The following KAT2B variants were observed in gnomAD, a reference collection of about 807,000 sequenced individuals.
KAT2B encodes lysine acetyltransferase 2B.
A neutral mutation model predicts 105.9 loss-of-function variants in KAT2B; 36 were observed. The ratio of observed to expected loss-of-function variants is 0.34; its 90% CI spans 0.26 to 0.45. The LOEUF is 0.45. Among genes scored for constraint, KAT2B ranks in the 20% least tolerant of loss-of-function variants. The probability of loss-of-function intolerance (pLI) is 1.00; values close to 1 mark genes in which losing one functional copy is unlikely to be tolerated. For missense variants in KAT2B, 820 were observed against 1,021.6 expected (o/e 0.80, Z 2.69); for synonymous variants, 397 against 377.9 (o/e 1.05, Z -0.59).
At chr3:20,131,892 C>G (rs1169967449) in intron 11 of KAT2B, among the ~76,000 whole-genome samples, 1 of 152,098 alleles carries the variant, frequency 6.6e-6, no homozygotes, top group Admixed American at 6.6e-5. Flanking sequence ...TATTTATTTA[C>G]TATATTAAAA....
chr3:20,149,495 C>CAAAAAAAAAAAAAAAAAAAAAAAAAAAAA lies in KAT2B; in HGVS notation c.2305+1033_2305+1034insAAAAAAAAAAAAAAAAAAAAAAAAAAAAA, dbSNP rs56091316. On this transcript the variant is annotated intron_variant, in intron 17 of 17. Transcript: ENST00000263754. ...TGGGCACTGGAGGGAGACCGTATCTCAAAAAAAAAAAAAAAAAAAAAAAAA... is the reference window on the plus strand; with the variant it reads ...TGGGCACTGGAGGGAGACCGTATCTCAAAAAAAAAAAAAAAAAAAAAAAAAAAAAAAAAAAAAAAAAAAAAAAAAAAAAA... Among the ~76,000 whole-genome samples the CAAAAAAAAAAAAAAAAAAAAAAAAAAAAA allele has an allele frequency of 3.3e-3, 140 of 42,422 alleles. 5 individuals carry two copies. Among genetic ancestry groups the CAAAAAAAAAAAAAAAAAAAAAAAAAAAAA allele is most frequent in the South Asian group, 6.2e-3 (4 of 642 alleles). 27.8% of individuals were successfully genotyped at this position (42,422 alleles called of 152,430 possible).
At position 20,152,550 on chromosome 3, in the gene KAT2B, A is replaced by G. The variant is rs758351272; in HGVS notation, c.*25A>G. The G allele has an allele frequency of 1.3e-6, 2 of 1,587,868 alleles. No individual in the cohort carries two copies. The highest frequency in any genetic ancestry group is 2.2e-5 in the South Asian group (2 of 90,304). On this transcript the variant is annotated 3_prime_UTR_variant, in exon 18 of 18. Transcript: ENST00000263754. ...ATTTTTTTTCCCCTCTGCTTCTTAG[A>G]AACTCACCAAGCAGTGTGCCTAAAG... is the stretch of plus-strand genomic sequence containing the variant.
chr3:20,085,930 AG>A (rs1164942383), intron 2 of KAT2B, among the ~76,000 whole-genome samples: 1 of 152,198 alleles, frequency 6.6e-6, no homozygotes, highest in East Asian at 1.9e-4. Context: ...ATACTGCTGA[AG>A]TCAGACAGAT....
At chr3:20,076,485 A>G (rs2125183911) in intron 2 of KAT2B, among the ~76,000 whole-genome samples, 1 of 152,012 alleles carries the variant, frequency 6.6e-6, no homozygotes, top group South Asian at 2.1e-4. Flanking sequence ...GCTCTAGAAA[A>G]CCTTTTTCTG....
At chr3:20,062,247 T>C (rs1407173702) in intron 1 of KAT2B, among the ~76,000 whole-genome samples, 2 of 29,370 alleles carry the variant, frequency 6.8e-5, no homozygotes, top group African/African-American at 3.6e-4. Flanking sequence ...AAATATATAA[T>C]ATATAAAATA....
At chr3:20,086,794 ATT>A (rs11308672) in intron 2 of KAT2B, among the ~76,000 whole-genome samples, 1,988 of 129,884 alleles carry the variant, frequency 0.015, 38 homozygotes, top group African/African-American at 0.048. Context: ...AAACAAATAG[ATT>A]TTTTTTTTTT....
intron 2 of KAT2B, among the ~76,000 whole-genome samples, chr3:20,077,803 A>G (rs4308300): frequency 0.19 from 28,207 of 152,124 alleles, 2,833 homozygotes; most frequent in East Asian, 0.31. Context: ...GGATCTAACA[A>G]AGTGCTTTAG....
intron 5 of KAT2B, among the ~76,000 whole-genome samples, chr3:20,102,897 A>G (rs1698934212): frequency 6.6e-6 from 1 of 152,210 alleles, no homozygotes; most frequent in South Asian, 2.1e-4. Context: ...ACTTGTGCCC[A>G]GGTTATTTTC....
At chr3:20,055,667 G>T (rs531536745) in intron 1 of KAT2B, among the ~76,000 whole-genome samples, 1 of 152,206 alleles carries the variant, frequency 6.6e-6, no homozygotes, top group African/African-American at 2.4e-5. Context: ...AGATTAGGTG[G>T]AAGGGATAAA....
At chr3:20,148,699 C>A in intron 17 of KAT2B, 1 of 465,266 alleles carries the variant, frequency 2.1e-6, no homozygotes, top group Middle Eastern at 5.6e-4. Context: ...GTTTAGAGCC[C>A]ACATGAGCTT....
In KAT2B at chr3:20,099,973, C is replaced by T. The variant is rs1698880868; in HGVS notation, c.669+19C>T. On this transcript the variant is annotated intron_variant, in intron 4 of 17. Transcript: ENST00000263754. ...TGAACAGGTAAAAAGATTTTAAAAG[C>T]CCTCTTTTTATTGGCTCAAGGCTGA... The T allele has an allele frequency of 4.5e-6, 6 of 1,337,804 alleles. No individual in the cohort carries two copies. The highest frequency in any genetic ancestry group is 6.4e-6 in the Non-Finnish European group (6 of 935,420). The allele number at this position is 1,337,804 out of a possible 1,614,324, so 82.9% of individuals were successfully genotyped here. A position where few individuals can be genotyped will look rare whatever the true frequency, so the allele number is the denominator to read the frequency against.
chr3:20,080,848 G>A (rs1337812708), intron 2 of KAT2B, among the ~76,000 whole-genome samples: 1 of 152,112 alleles, frequency 6.6e-6, no homozygotes, highest in Non-Finnish European at 1.5e-5. Context: ...ATAATACTTT[G>A]GTATATATTA....
chr3:20,050,759 A>T (rs902171526), intron 1 of KAT2B, among the ~76,000 whole-genome samples: 16 of 149,618 alleles, frequency 1.1e-4, no homozygotes, highest in African/African-American at 3.7e-4. Flanking sequence ...ACTGGAGTGC[A>T]GTGGCATGAT....
At chr3:20,050,029 G>A (rs966458906) in intron 1 of KAT2B, among the ~76,000 whole-genome samples, 2 of 151,986 alleles carry the variant, frequency 1.3e-5, no homozygotes, top group African/African-American at 4.8e-5. Context: ...GTGAGACCCG[G>A]TCTCTACTAA....
intron 2 of KAT2B, among the ~76,000 whole-genome samples, chr3:20,075,466 G>T (rs1228408310): frequency 2.0e-5 from 3 of 151,932 alleles, no homozygotes; most frequent in South Asian, 4.2e-4. Flanking sequence ...ACATCCCACA[G>T]GTTAAGGGCA....
At chr3:20,113,310 T>C (rs1699153056) in intron 6 of KAT2B, among the ~76,000 whole-genome samples, 1 of 152,264 alleles carries the variant, frequency 6.6e-6, no homozygotes, top group Non-Finnish European at 1.5e-5. Flanking sequence ...GTAATAGTTG[T>C]CATTCTGTCT....
chr3:20,097,659 C>T (rs2125196443), intron 3 of KAT2B, among the ~76,000 whole-genome samples: 1 of 152,210 alleles, frequency 6.6e-6, no homozygotes, highest in South Asian at 2.1e-4. Context: ...GCCTCAGCCT[C>T]CTGAGTAGCT....
chr3:20,152,595 A>G lies in KAT2B; in HGVS notation c.*70A>G. On this transcript the variant is annotated 3_prime_UTR_variant, in exon 18 of 18. Coordinates refer to ENST00000263754, the MANE Select transcript of KAT2B (RefSeq NM_003884.5). ...CTAAAGCAAGGTGGTTTAGTTTTTT[A>G]CAAAGAATTGGACATGATGTATTGA... is the stretch of plus-strand genomic sequence containing the variant. 1 of 1,277,960 alleles carries G rather than the reference A, an allele frequency of 7.8e-7. No individual in the cohort carries two copies. Among genetic ancestry groups the G allele is most frequent in the Non-Finnish European group, 1.1e-6 (1 of 904,106 alleles). The allele number at this position is 1,277,960 out of a possible 1,614,324, so 79.2% of individuals were successfully genotyped here.
rs150351875 is a variant in KAT2B at position 20,146,393 on chromosome 3, A to C, written c.2082A>C (p.Gly694=). The C allele has an allele frequency of 3.0e-5, 48 of 1,613,006 alleles. No individual in the cohort carries two copies. The African/African-American group carries it at 5.7e-4, about 19-fold the overall frequency. ...VYPGLSCFKD[G]VRQIPIESIP... is the part of the protein sequence containing the mutation. Reference sequence around the variant, plus strand: ...CTGGACTTTCATGTTTTAAAGATGGAGTTCGACAGATTCCTATAGAAAGCA... The same window carrying C: ...CTGGACTTTCATGTTTTAAAGATGGCGTTCGACAGATTCCTATAGAAAGCA... Residue 694 remains glycine (G), a synonymous_variant, in exon 14 of 18, where the codon GGA becomes GGC. Transcript: ENST00000263754.
Sources: gnomAD v4.1 joint callset for allele counts (sites outside exome capture counted in the v4.1 genomes callset) on GRCh38, gnomAD v4.1.1 for gene constraint, MANE v1.5 for transcripts, NCBI Gene and HGNC (gene_info 2026-07-23, HGNC 2026-07-21) for gene names.